POU2F1: variants seen among roughly 807,000 people sequenced by gnomAD.
POU2F1 encodes POU domain, class 2, transcription factor 1.
In POU2F1, 16 loss-of-function variants were observed where a neutral mutation model predicts 84.9. The observed-to-expected ratio is 0.19, with a 90% CI of 0.13 to 0.29. POU2F1 has a LOEUF of 0.29. Among genes scored for constraint, POU2F1 ranks in the 10% least tolerant of loss-of-function variants. The pLI is 1.00. For synonymous variants in POU2F1, 368 were observed against 368.3 expected (o/e 1.00, Z 0.01); for missense variants, 738 against 942.6 (o/e 0.78, Z 2.84).
At chr1:167,385,559 G>A (rs1647910614) in intron 8 of POU2F1, among the ~76,000 whole-genome samples, 1 of 151,170 alleles carries the variant, frequency 6.6e-6, no homozygotes. Flanking sequence ...GGATTTCAAT[G>A]GGAAAAAAAA....
intron 8 of POU2F1, among the ~76,000 whole-genome samples, chr1:167,389,268 A>G (rs1648210678): frequency 6.6e-6 from 1 of 152,242 alleles, no homozygotes; most frequent in African/African-American, 2.4e-5. Context: ...TTTGAAATAA[A>G]GAGTAATTTA....
chr1:167,300,647 T>C (rs986117018), intron 1 of POU2F1, among the ~76,000 whole-genome samples: 1 of 152,136 alleles, frequency 6.6e-6, no homozygotes, highest in Non-Finnish European at 1.5e-5. Context: ...GTATTTTTAG[T>C]GGAGACGAGT....
At position 167,423,181 on chromosome 1, in the gene POU2F1, C is replaced by T. The variant is rs1459942521; in HGVS notation, c.*7371C>T. On this transcript the variant is annotated 3_prime_UTR_variant, in exon 16 of 16. Transcript: ENST00000367866. ...TTCAAGAACAGGATTACGTGGAAAA[C>T]CAAAAGATCTTCCCTTACTCTCCTA... 1 of 152,102 alleles carries T rather than the reference C, an allele frequency of 6.6e-6. No homozygotes were observed. 9.4% of individuals were successfully genotyped at this position (152,102 alleles called of 1,614,324 possible).
intron 13 of POU2F1, among the ~76,000 whole-genome samples, chr1:167,405,810 C>A (rs537010636): frequency 6.6e-6 from 1 of 152,322 alleles, no homozygotes; most frequent in Admixed American, 6.5e-5. Flanking sequence ...TTTTTATGTA[C>A]ACATGGAACA....
At chr1:167,305,996 C>G (rs1655039126) in intron 1 of POU2F1, among the ~76,000 whole-genome samples, 1 of 152,146 alleles carries the variant, frequency 6.6e-6, no homozygotes, top group Non-Finnish European at 1.5e-5. Context: ...GGAAGTAGGG[C>G]AAAGAGAAGA....
At chr1:167,373,506 C>A (rs1660138577) in intron 5 of POU2F1, among the ~76,000 whole-genome samples, 1 of 152,160 alleles carries the variant, frequency 6.6e-6, no homozygotes, top group Non-Finnish European at 1.5e-5. Context: ...CCACCTGTTT[C>A]ATAGAGATAA....
chr1:167,357,826 A>T (rs867227950), intron 2 of POU2F1, among the ~76,000 whole-genome samples: 18 of 118,334 alleles, frequency 1.5e-4, no homozygotes, highest in South Asian at 1.1e-3. Context: ...TTTTTTTGAG[A>T]CAGAGTCTCA....
chr1:167,324,288 C>CAACAATTTTTTTAAAGAAATATTT (rs140522623), intron 1 of POU2F1, among the ~76,000 whole-genome samples: 15,897 of 152,152 alleles, frequency 0.1, 2,153 homozygotes, highest in African/African-American at 0.32. Context: ...AGGTTGAAGT[C>CAACAATTTTTTTAAAGAAATATTT]TAGAACACAT....
intron 9 of POU2F1, 141 bp downstream of exon 9, chr1:167,389,902 T>C: frequency 1.1e-6 from 1 of 879,268 alleles, no homozygotes; most frequent in Non-Finnish European, 1.7e-6. Context: ...GATGGTCATG[T>C]CTGTACTGAA....
At chr1:167,277,525 G>A in intron 1 of POU2F1, among the ~76,000 whole-genome samples, 1 of 150,794 alleles carries the variant, frequency 6.6e-6, no homozygotes, top group South Asian at 2.1e-4. Context: ...AATTGCCTAG[G>A]CCAGTCTTGA....
At chr1:167,379,420 A>G (rs1307879191) in intron 7 of POU2F1, 1 of 152,236 alleles carries the variant, frequency 6.6e-6, no homozygotes. Flanking sequence ...CCTGGTGGCC[A>G]GTTATATTTG....
chr1:167,292,903 A>G (rs1487326365), intron 1 of POU2F1, among the ~76,000 whole-genome samples: 2 of 152,068 alleles, frequency 1.3e-5, no homozygotes, highest in African/African-American at 2.4e-5. Context: ...ACAAACAAAA[A>G]CCATACGACC....
chr1:167,248,760 G>C (rs1173436466), intron 1 of POU2F1, among the ~76,000 whole-genome samples: 3 of 152,092 alleles, frequency 2.0e-5, no homozygotes, highest in Non-Finnish European at 4.4e-5. Flanking sequence ...TACAATAATA[G>C]GTAACATTTA....
chr1:167,313,103 C>T (rs184980377), intron 1 of POU2F1, among the ~76,000 whole-genome samples: 4 of 152,272 alleles, frequency 2.6e-5, no homozygotes, highest in Admixed American at 2.6e-4. Context: ...TGACTATATA[C>T]TTGGTTGTAA....
intron 7 of POU2F1, chr1:167,380,456 C>G (rs1386464388): frequency 6.6e-6 from 1 of 152,138 alleles, no homozygotes; most frequent in Admixed American, 6.5e-5. Flanking sequence ...ATATAGTTTC[C>G]CTAGAATCAC....
chr1:167,306,603 C>T (rs975612124), intron 1 of POU2F1, among the ~76,000 whole-genome samples: 2 of 151,936 alleles, frequency 1.3e-5, no homozygotes, highest in African/African-American at 2.4e-5. Context: ...TTAGTAATGC[C>T]GTAACACGGT....
chr1:167,344,432 A>ATTTG (rs1357099794), intron 2 of POU2F1, among the ~76,000 whole-genome samples: 1 of 152,140 alleles, frequency 6.6e-6, no homozygotes, highest in African/African-American at 2.4e-5. Context: ...AAGAAAGTGA[A>ATTTG]TGGTTGTGTA....
At chr1:167,367,842 G>A (rs1659779382) in intron 3 of POU2F1, among the ~76,000 whole-genome samples, 1 of 149,802 alleles carries the variant, frequency 6.7e-6, no homozygotes, top group Admixed American at 6.7e-5. Flanking sequence ...AGGTTGATCT[G>A]CAACTCCTGA....
intron 1 of POU2F1, among the ~76,000 whole-genome samples, chr1:167,276,885 GGA>G (rs1447702142): frequency 6.6e-6 from 1 of 152,136 alleles, no homozygotes; most frequent in African/African-American, 2.4e-5. Context: ...ATTGAAGTCA[GGA>G]GAGAGTGCAG....
Sources: gnomAD v4.1 joint callset for allele counts (sites outside exome capture counted in the v4.1 genomes callset) on GRCh38, gnomAD v4.1.1 for gene constraint, MANE v1.5 for transcripts, NCBI Gene and HGNC (gene_info 2026-07-23, HGNC 2026-07-21) for gene names.